USH2A: variants seen among roughly 807,000 people sequenced by gnomAD.
The protein encoded by USH2A is usherin, also known as Usher syndrome 2A (autosomal recessive, mild).
Under a neutral mutation model 538.9 loss-of-function variants are expected in USH2A, and 443 were observed. That is an observed-to-expected ratio of 0.82 (90% CI 0.76 to 0.89). The LOEUF is 0.89. USH2A is among the 40% of genes least tolerant of loss of function. The pLI is 0.00. For synonymous variants in USH2A, 2,413 were observed against 2,273.5 expected (o/e 1.06, Z -1.75); for missense variants, 6,633 against 6,324.8 (o/e 1.05, Z -1.65).
At chr1:216,052,152 C>G (rs2102530109) in intron 30 of USH2A, among the ~76,000 whole-genome samples, 1 of 152,264 alleles carries the variant, frequency 6.6e-6, no homozygotes, top group South Asian at 2.1e-4. Flanking sequence ...CTCATCTCAG[C>G]AAACTTGCTT....
rs1238173919 is a variant in USH2A at position 216,012,138 on chromosome 1, G to A, written c.6326-11576C>T. Among the ~76,000 whole-genome samples, 13 of 117,454 alleles carry A rather than the reference G, an allele frequency of 1.1e-4. 4 individuals carry two copies. Among genetic ancestry groups the A allele is most frequent in the Admixed American group, 7.5e-4 (8 of 10,606 alleles). The allele number at this position is 117,454 out of a possible 152,430, so 77.1% of individuals were successfully genotyped here. On this transcript the variant is annotated intron_variant, in intron 32 of 71. Coordinates refer to ENST00000307340, the MANE Select transcript of USH2A (RefSeq NM_206933.4). ...AGTAGCTGGGACTACAGGCGCCCAC[G>A]CTTGATTTATTGATGGCAGTTCCAC...
At chr1:215,654,404 T>C (rs956883413) in intron 64 of USH2A, among the ~76,000 whole-genome samples, 2 of 152,166 alleles carry the variant, frequency 1.3e-5, no homozygotes, top group African/African-American at 4.8e-5. Context: ...TGTGTTCTCA[T>C]AGACTGAACA....
chr1:215,627,843 T>TAAC (rs1185344869), intron 71 of USH2A, among the ~76,000 whole-genome samples: 2 of 152,162 alleles, frequency 1.3e-5, no homozygotes, highest in Non-Finnish European at 2.9e-5. Context: ...GTTTATTTTC[T>TAAC]AACAGGCCCA....
rs183745634 is a variant in USH2A at position 216,162,238 on chromosome 1, C to T, written c.4627+13014G>A. Among the ~76,000 whole-genome samples the T allele has an allele frequency of 3.2e-3, 492 of 151,834 alleles. 2 individuals carry two copies. Among genetic ancestry groups the T allele is most frequent in the South Asian group, 0.019 (90 of 4,822 alleles). ...TTCAGTTTGGACAATTACAATTGAC[C>T]GTTGAGTTCTCTAATCTTGCCTTCT... On this transcript the variant is annotated intron_variant, in intron 21 of 71. Coordinates refer to ENST00000307340, the MANE Select transcript of USH2A (RefSeq NM_206933.4).
chr1:215,725,524 T>G (rs1469755417), intron 61 of USH2A, among the ~76,000 whole-genome samples: 2 of 152,212 alleles, frequency 1.3e-5, no homozygotes, highest in African/African-American at 4.8e-5. Flanking sequence ...TGTCCTTGTT[T>G]GCTTGAAAAG....
intron 44 of USH2A, among the ~76,000 whole-genome samples, chr1:215,854,706 G>A (rs1281525065): frequency 1.3e-5 from 2 of 152,176 alleles, no homozygotes; most frequent in African/African-American, 4.8e-5. Flanking sequence ...GATTTACATA[G>A]GGCCTAAAGA....
chr1:215,813,199 T>G (rs1339118216), intron 49 of USH2A, among the ~76,000 whole-genome samples: 1 of 152,204 alleles, frequency 6.6e-6, no homozygotes, highest in African/African-American at 2.4e-5. Flanking sequence ...TGGCTAATAC[T>G]AAAAAGGGAT....
At chr1:216,279,188 C>T (rs1220363371) in intron 11 of USH2A, among the ~76,000 whole-genome samples, 3 of 152,010 alleles carry the variant, frequency 2.0e-5, no homozygotes, top group African/African-American at 4.8e-5. Flanking sequence ...TATATAATTA[C>T]AACTATATTT....
intron 20 of USH2A, among the ~76,000 whole-genome samples, 193 bp downstream of exon 20, chr1:216,190,030 C>T (rs561449555): frequency 6.6e-6 from 1 of 152,006 alleles, no homozygotes; most frequent in South Asian, 2.1e-4. Context: ...ACAGCTGTAA[C>T]TCGTAGCTCC....
At chr1:216,305,079 T>C (rs1450249038) in intron 9 of USH2A, among the ~76,000 whole-genome samples, 2 of 152,172 alleles carry the variant, frequency 1.3e-5, no homozygotes, top group African/African-American at 4.8e-5. Context: ...GTTGACTTTC[T>C]GTCTTGATGA....
intron 49 of USH2A, among the ~76,000 whole-genome samples, chr1:215,811,722 C>T (rs1015608291): frequency 5.9e-5 from 9 of 152,004 alleles, no homozygotes; most frequent in South Asian, 2.1e-4. Flanking sequence ...CCCTGACCAA[C>T]ATGGAGAAAG....
At chr1:216,244,302 A>T (rs2035992543) in intron 13 of USH2A, among the ~76,000 whole-genome samples, 1 of 152,204 alleles carries the variant, frequency 6.6e-6, no homozygotes, top group Non-Finnish European at 1.5e-5. Context: ...AGGGAATATC[A>T]GGAAGCAAAG....
intron 32 of USH2A, among the ~76,000 whole-genome samples, chr1:216,014,578 A>T (rs909809811): frequency 6.6e-6 from 1 of 152,228 alleles, no homozygotes; most frequent in Non-Finnish European, 1.5e-5. Flanking sequence ...CCCTGAAAAC[A>T]TAAGGCCACT....
intron 9 of USH2A, among the ~76,000 whole-genome samples, chr1:216,320,841 T>G (rs1324774489): frequency 1.3e-5 from 2 of 152,160 alleles, no homozygotes; most frequent in Non-Finnish European, 2.9e-5. Flanking sequence ...GTTAACATGA[T>G]GCAAATATTT....
intron 21 of USH2A, among the ~76,000 whole-genome samples, chr1:216,164,105 A>G (rs301759): frequency 0.63 from 95,136 of 151,834 alleles, 29,948 homozygotes; most frequent in East Asian, 0.78. Context: ...GTTAGGAATC[A>G]TTCTTGTGTT....
rs10689595 is a variant in USH2A, at chr1:215,870,458, C to CT, written c.8682-3289dup. 5.4e-3 allele frequency among the ~76,000 whole-genome samples: 663 copies of CT among 123,100 alleles called. 15 individuals are homozygous for CT. Among genetic ancestry groups the CT allele is most frequent in the East Asian group, 0.019 (77 of 4,116 alleles). The allele number at this position is 123,100 out of a possible 152,430, so 80.8% of individuals were successfully genotyped here. A position where few individuals can be genotyped will look rare whatever the true frequency, so the allele number is the denominator to read the frequency against. ...TACAGGTGTCAGCCACCACTCCTAG[C>CT]TTTTTTTTTTTTTTTTTTAGTAGAG... On this transcript the variant is annotated intron_variant, in intron 43 of 71. Transcript: ENST00000307340.
At chr1:215,881,373 C>T (rs1417259835) in intron 41 of USH2A, among the ~76,000 whole-genome samples, 1 of 152,186 alleles carries the variant, frequency 6.6e-6, no homozygotes. Flanking sequence ...CTCCTGACCT[C>T]AGGTGATCCA....
chr1:216,101,247 A>T (rs985597097), intron 21 of USH2A, among the ~76,000 whole-genome samples: 1 of 152,256 alleles, frequency 6.6e-6, no homozygotes, highest in African/African-American at 2.4e-5. Context: ...TAAATAAAAA[A>T]GAATACATTT....
intron 58 of USH2A, 111 bp from the exon 59 acceptor site, chr1:215,743,446 A>ATGTGTGTGTG (rs1558078840): frequency 2.0e-5 from 6 of 294,798 alleles, no homozygotes; most frequent in Non-Finnish European, 2.7e-5. Flanking sequence ...ATATATATAT[A>ATGTGTGTGTG]AATAAATATA....
Sources: gnomAD v4.1 joint callset for allele counts (sites outside exome capture counted in the v4.1 genomes callset) on GRCh38, gnomAD v4.1.1 for gene constraint, MANE v1.5 for transcripts, NCBI Gene and HGNC (gene_info 2026-07-23, HGNC 2026-07-21) for gene names.